RALA: variants seen among roughly 807,000 people sequenced by gnomAD.
RALA encodes RAS like proto-oncogene A.
Under a neutral mutation model 24.0 loss-of-function variants are expected in RALA, and 5 were observed. The observed-to-expected ratio is 0.21, with a 90% CI of 0.11 to 0.44. RALA has a LOEUF of 0.44. Ranked by LOEUF, RALA falls within the 20% of genes least tolerant of loss-of-function variation. RALA has a pLI of 0.99. For synonymous variants in RALA, 77 were observed against 83.8 expected (o/e 0.92, Z 0.44); for missense variants, 95 against 241.2 (o/e 0.39, Z 4.01).
At chr7:39,632,253 A>G (rs1300079146) in intron 1 of RALA, among the ~76,000 whole-genome samples, 1 of 152,220 alleles carries the variant, frequency 6.6e-6, no homozygotes, top group East Asian at 1.9e-4. Flanking sequence ...CAGACTTTCC[A>G]GATATACTAT....
chr7:39,687,360 G>A (rs35767055), intron 2 of RALA, among the ~76,000 whole-genome samples: 3,004 of 151,806 alleles, frequency 0.02, 44 homozygotes, highest in Non-Finnish European at 0.026. Context: ...CTGGGAGGCG[G>A]AGCTTGCAGT....
chr7:39,680,903 A>G (rs1583744140), intron 1 of RALA, among the ~76,000 whole-genome samples: 1 of 152,214 alleles, frequency 6.6e-6, no homozygotes, highest in Non-Finnish European at 1.5e-5. Flanking sequence ...GCTCCCTCGC[A>G]AAATTATCTG....
intron 3 of RALA, among the ~76,000 whole-genome samples, chr7:39,695,686 G>A (rs1395861213): frequency 1.3e-5 from 2 of 152,104 alleles, no homozygotes; most frequent in Non-Finnish European, 2.9e-5. Flanking sequence ...TTACAGGTAT[G>A]AGCCACTGCA....
intron 1 of RALA, among the ~76,000 whole-genome samples, chr7:39,658,392 G>C (rs1011027829): frequency 4.6e-5 from 7 of 152,158 alleles, no homozygotes; most frequent in African/African-American, 1.7e-4. Flanking sequence ...CTGGTGCAAA[G>C]TAGTATGTTC....
chr7:39,639,915 T>C (rs1208026145), intron 1 of RALA, among the ~76,000 whole-genome samples: 1 of 152,172 alleles, frequency 6.6e-6, no homozygotes, highest in East Asian at 1.9e-4. Flanking sequence ...ATGGGTTTTT[T>C]TTCCCTTATT....
At chr7:39,645,621 A>G (rs1410467038) in intron 1 of RALA, among the ~76,000 whole-genome samples, 2 of 152,244 alleles carry the variant, frequency 1.3e-5, no homozygotes, top group African/African-American at 4.8e-5. Context: ...ACATGAGCAC[A>G]AATCTTGTTT....
chr7:39,643,580 G>A (rs112038097), intron 1 of RALA, among the ~76,000 whole-genome samples: 4,389 of 152,300 alleles, frequency 0.029, 226 homozygotes, highest in African/African-American at 0.099. Flanking sequence ...AATTAGCCAG[G>A]CGTGGTGGCT....
In RALA at chr7:39,675,755, A is replaced by AC. The variant is rs1191491944; in HGVS notation, c.-37-10876_-37-10875insC. On this transcript the variant is annotated intron_variant, in intron 1 of 4. Transcript: ENST00000005257. ...CTGGGAAATTAAAAAAAAAAAAAAA[A>AC]AAAAAACTGTATATCTCCTTTTCTT... 2.6e-5 allele frequency among the ~76,000 whole-genome samples: 4 copies of AC among 151,778 alleles called. No homozygotes were observed. The South Asian group carries it at 6.3e-4, about 24-fold the overall frequency.
chr7:39,647,147 A>G (rs1047471151), intron 1 of RALA, among the ~76,000 whole-genome samples: 9 of 152,272 alleles, frequency 5.9e-5, no homozygotes, highest in South Asian at 2.1e-4. Flanking sequence ...GGCTCGAGCA[A>G]TCCTCCCACC....
chr7:39,635,977 G>T (rs1434406787), intron 1 of RALA, among the ~76,000 whole-genome samples: 4 of 152,156 alleles, frequency 2.6e-5, no homozygotes, highest in African/African-American at 9.7e-5. Flanking sequence ...GGTCTTTTGT[G>T]TCTGGCTACT....
At chr7:39,702,857 T>A (rs1303639798) in intron 4 of RALA, 1 of 152,156 alleles carries the variant, frequency 6.6e-6, no homozygotes, top group African/African-American at 2.4e-5. Context: ...GAGGCTGGAA[T>A]GGGAGGGATA....
intron 1 of RALA, among the ~76,000 whole-genome samples, chr7:39,636,146 T>C (rs1376255742): frequency 6.6e-6 from 1 of 152,356 alleles, no homozygotes; most frequent in East Asian, 1.9e-4. Flanking sequence ...GGGGCTTATA[T>C]TGAATAATGT....
chr7:39,645,638 A>T (rs1791913467), intron 1 of RALA, among the ~76,000 whole-genome samples: 1 of 152,234 alleles, frequency 6.6e-6, no homozygotes, highest in South Asian at 2.1e-4. Flanking sequence ...GTTTAATAAA[A>T]TGTTTCTTGA....
At chr7:39,649,449 G>A (rs146665079) in intron 1 of RALA, among the ~76,000 whole-genome samples, 209 of 152,236 alleles carry the variant, frequency 1.4e-3, no homozygotes, top group Middle Eastern at 6.8e-3. Flanking sequence ...GTTCACGAGC[G>A]CAGAGTCCTC....
chr7:39,639,825 C>T (rs1791749237), intron 1 of RALA, among the ~76,000 whole-genome samples: 3 of 152,088 alleles, frequency 2.0e-5, no homozygotes, highest in Admixed American at 2.0e-4. Context: ...TTGCAGGATG[C>T]CCTCATGCAC....
chr7:39,632,801 G>A (rs1359785650), intron 1 of RALA, among the ~76,000 whole-genome samples: 2 of 152,172 alleles, frequency 1.3e-5, no homozygotes, highest in Non-Finnish European at 2.9e-5. Flanking sequence ...GGGTGACAGA[G>A]TGAGACCCCA....
intron 1 of RALA, among the ~76,000 whole-genome samples, chr7:39,643,739 C>G (rs1791878471): frequency 6.6e-6 from 1 of 152,180 alleles, no homozygotes; most frequent in Non-Finnish European, 1.5e-5. Flanking sequence ...GCCTGTAATC[C>G]CAGCCATCTC....
chr7:39,698,318 C>T (rs1219426740), intron 4 of RALA, among the ~76,000 whole-genome samples: 1 of 152,158 alleles, frequency 6.6e-6, no homozygotes, highest in Non-Finnish European at 1.5e-5. Context: ...CATGCCCTAT[C>T]ATAGTTTCCT....
intron 2 of RALA, among the ~76,000 whole-genome samples, chr7:39,688,662 C>T (rs1792755402): frequency 6.6e-6 from 1 of 151,674 alleles, no homozygotes. Context: ...CAACCTCCAC[C>T]TCCCAGGCTC....
Sources: gnomAD v4.1 joint callset for allele counts (sites outside exome capture counted in the v4.1 genomes callset) on GRCh38, gnomAD v4.1.1 for gene constraint, MANE v1.5 for transcripts, NCBI Gene and HGNC (gene_info 2026-07-23, HGNC 2026-07-21) for gene names.